ITPR2: variants seen among roughly 807,000 people sequenced by gnomAD.
ITPR2 encodes inositol 1,4,5-trisphosphate receptor type 2.
Under a neutral mutation model 317.1 loss-of-function variants are expected in ITPR2, and 207 were observed. That is an observed-to-expected ratio of 0.65 (90% confidence interval 0.58 to 0.73). The LOEUF (loss-of-function observed/expected upper bound fraction) is 0.73. ITPR2 is among the 30% of genes least tolerant of loss of function. The probability of loss-of-function intolerance (pLI) is 0.00; values close to 1 mark genes in which losing one functional copy is unlikely to be tolerated. For missense variants in ITPR2, 2,613 were observed against 3,284.0 expected (o/e 0.80, Z 4.99); for synonymous variants, 1,156 against 1,149.1 (o/e 1.01, Z -0.12).
intron 55 of ITPR2, among the ~76,000 whole-genome samples, chr12:26,360,055 C>A (rs1019596335): frequency 1.3e-5 from 2 of 152,166 alleles, no homozygotes; most frequent in African/African-American, 4.8e-5. Flanking sequence ...AAGGAGGCCA[C>A]TGCAGGATGG....
At chr12:26,505,988 G>A (rs1291184141) in intron 37 of ITPR2, among the ~76,000 whole-genome samples, 1 of 151,394 alleles carries the variant, frequency 6.6e-6, no homozygotes, top group Non-Finnish European at 1.5e-5. Flanking sequence ...AAAACTACAA[G>A]GCACTCAGCC....
intron 54 of ITPR2, among the ~76,000 whole-genome samples, chr12:26,396,440 G>A (rs986570049): frequency 8.6e-5 from 13 of 152,030 alleles, no homozygotes; most frequent in South Asian, 2.1e-4. Context: ...AGTTGATAAC[G>A]AATTCATTTC....
rs747028704 is a variant in ITPR2 at position 26,682,567 on chromosome 12, C to G, written c.1248+7G>C. On this transcript the variant is annotated splice_region_variant and intron_variant, in intron 12 of 56. Coordinates refer to ENST00000381340, the MANE Select transcript of ITPR2 (RefSeq NM_002223.4). ...CTGAAAATTAAACCATCTTCAGTGA[C>G]ATTTACCTTTAACATAACAGGCCTC... is the stretch of plus-strand genomic sequence containing the variant. 84 of 1,568,698 alleles carry G rather than the reference C, an allele frequency of 5.4e-5. No homozygotes were observed. The highest frequency in any genetic ancestry group is 6.9e-5 in the Non-Finnish European group (79 of 1,143,104).
rs1205594038 is a variant in ITPR2, at chr12:26,486,317, T to C, written c.5598A>G (p.Gln1866=). Reference sequence around the variant, plus strand: ...ATGTTGCTGAAGAAGCTTCTGTTAATTGCCCTTTCATTCCCTCTTTTAAAT... The same window carrying C: ...ATGTTGCTGAAGAAGCTTCTGTTAACTGCCCTTTCATTCCCTCTTTTAAAT... ...TLHLKEGMKG[Q]LTEASSATSK... is the part of the protein sequence containing the mutation. Residue 1866 remains glutamine, a synonymous_variant, in exon 41 of 57, where the codon CAA becomes CAG. Transcript: ENST00000381340. 1 of 1,613,542 alleles carries C rather than the reference T, an allele frequency of 6.2e-7. No individual in the cohort carries two copies.
At chr12:26,804,165 G>A (rs1950603968) in intron 1 of ITPR2, among the ~76,000 whole-genome samples, 1 of 152,014 alleles carries the variant, frequency 6.6e-6, no homozygotes, top group South Asian at 2.1e-4. Flanking sequence ...CCATTCCCAG[G>A]TAATTCCTTC....
chr12:26,524,905 T>C (rs1308996556), intron 37 of ITPR2, among the ~76,000 whole-genome samples: 1 of 152,240 alleles, frequency 6.6e-6, no homozygotes, highest in Non-Finnish European at 1.5e-5. Flanking sequence ...GAAAATGTTT[T>C]CTTTGATTTC....
chr12:26,650,926 T>C (rs1947237314), intron 21 of ITPR2, among the ~76,000 whole-genome samples: 1 of 152,352 alleles, frequency 6.6e-6, no homozygotes, highest in South Asian at 2.1e-4. Flanking sequence ...TAGATTTATT[T>C]TTATAAAATG....
At chr12:26,732,914 A>C (rs1487195022) in intron 2 of ITPR2, among the ~76,000 whole-genome samples, 1 of 152,172 alleles carries the variant, frequency 6.6e-6, no homozygotes, top group Non-Finnish European at 1.5e-5. Flanking sequence ...TCTCCTCAAA[A>C]AGTTATCATT....
intron 37 of ITPR2, among the ~76,000 whole-genome samples, chr12:26,541,146 T>TAAAAAA (rs3058665): frequency 4.5e-5 from 5 of 110,112 alleles, no homozygotes; most frequent in South Asian, 3.3e-4. Context: ...CATCTCTGCT[T>TAAAAAA]AAAAAAAAAA....
intron 52 of ITPR2, among the ~76,000 whole-genome samples, chr12:26,405,681 G>A (rs1220956653): frequency 1.3e-5 from 2 of 152,176 alleles, no homozygotes; most frequent in Admixed American, 1.3e-4. Flanking sequence ...ACAAGGGATT[G>A]TCACTGAGAC....
chr12:26,724,720 T>C lies in ITPR2; in HGVS notation c.302A>G (p.Lys101Arg), dbSNP rs150639698. 559 of 1,606,950 alleles carry C rather than the reference T, an allele frequency of 3.5e-4. 1 individual carries two copies. The African/African-American group carries it at 4.9e-3, about 14-fold the overall frequency. The change falls in exon 4 of 57, where the codon AAA (lysine) becomes AGA (arginine). Residue 101 changes from lysine (K) to arginine (R), a missense_variant. Coordinates refer to ENST00000381340, the MANE Select transcript of ITPR2 (RefSeq NM_002223.4). ...TTTCTTATTCTCCGATTCATTTTGT[T>C]TTTGTTCCAGTTCTGCAGCGTGCTA... Reference protein sequence around the residue: ...KLQHAAELEQKQNESENKKLL... With the variant: ...KLQHAAELEQRQNESENKKLL...
At chr12:26,823,206 C>T (rs571253764) in intron 1 of ITPR2, among the ~76,000 whole-genome samples, 1 of 152,204 alleles carries the variant, frequency 6.6e-6, no homozygotes, top group African/African-American at 2.4e-5. Flanking sequence ...TTACTCAATG[C>T]CAGTGTTACC....
intron 37 of ITPR2, among the ~76,000 whole-genome samples, chr12:26,503,545 A>T (rs1943120901): frequency 1.3e-5 from 2 of 152,212 alleles, no homozygotes; most frequent in Non-Finnish European, 1.5e-5. Context: ...ATTGGCAATG[A>T]CAATGCACGT....
intron 30 of ITPR2, among the ~76,000 whole-genome samples, 182 bp from the exon 31 acceptor site, chr12:26,597,316 G>T (rs1279116156): frequency 1.3e-5 from 2 of 152,188 alleles, no homozygotes; most frequent in African/African-American, 4.8e-5. Context: ...CAAGGAACCA[G>T]CTATGAACGC....
intron 53 of ITPR2, 24 bp downstream of exon 53, chr12:26,400,104 A>G (rs1940125004): frequency 6.3e-7 from 1 of 1,578,974 alleles, no homozygotes; most frequent in Non-Finnish European, 8.6e-7. Context: ...TGCTCCTTGA[A>G]AAAATACTTT....
At chr12:26,763,405 T>C (rs549123043) in intron 2 of ITPR2, among the ~76,000 whole-genome samples, 1 of 152,270 alleles carries the variant, frequency 6.6e-6, no homozygotes, top group East Asian at 1.9e-4. Flanking sequence ...ATGACTTTTT[T>C]TCCCATCGAA....
intron 55 of ITPR2, among the ~76,000 whole-genome samples, chr12:26,351,737 G>C (rs911932669): frequency 6.6e-6 from 1 of 152,168 alleles, no homozygotes; most frequent in East Asian, 1.9e-4. Flanking sequence ...GTCTCTTCCT[G>C]CTTTTTCCTG....
At chr12:26,706,585 C>A (rs1948557005) in intron 9 of ITPR2, among the ~76,000 whole-genome samples, 1 of 152,150 alleles carries the variant, frequency 6.6e-6, no homozygotes, top group Non-Finnish European at 1.5e-5. Context: ...CTCTGACCCC[C>A]TGACCATTTC....
intron 55 of ITPR2, among the ~76,000 whole-genome samples, chr12:26,354,746 G>A (rs967411717): frequency 6.6e-6 from 1 of 152,124 alleles, no homozygotes; most frequent in Non-Finnish European, 1.5e-5. Flanking sequence ...TCAGCTCACT[G>A]CAACCTCTGC....
Sources: gnomAD v4.1 joint callset for allele counts (sites outside exome capture counted in the v4.1 genomes callset) on GRCh38, gnomAD v4.1.1 for gene constraint, MANE v1.5 for transcripts, NCBI Gene and HGNC (gene_info 2026-07-23, HGNC 2026-07-21) for gene names.